Variants in GRIK1 observed in about 807,000 individuals in gnomAD.
GRIK1 encodes glutamate receptor ionotropic, kainate 1.
A neutral mutation model predicts 105.7 loss-of-function variants in GRIK1; 69 were observed. That is an observed-to-expected ratio of 0.65 (90% CI 0.54 to 0.80). The LOEUF is 0.80. Ranked by LOEUF, GRIK1 falls within the 30% of genes least tolerant of loss-of-function variation. The probability of loss-of-function intolerance (pLI) is 0.00; values close to 1 mark genes in which losing one functional copy is unlikely to be tolerated. For synonymous variants in GRIK1, 438 were observed against 431.3 expected, an observed-to-expected ratio of 1.02 and a Z score of -0.19; for missense variants, 1,109 against 1,167.3, an observed-to-expected ratio of 0.95 and a Z score of 0.73.
At chr21:29,727,394 A>T (rs903095151) in intron 1 of GRIK1, among the ~76,000 whole-genome samples, 14 of 152,332 alleles carry the variant, frequency 9.2e-5, no homozygotes, top group Middle Eastern at 6.8e-3. Flanking sequence ...AAAACTTGAT[A>T]TAATGGTACT....
chr21:29,904,071 C>T (rs897264209), intron 1 of GRIK1, among the ~76,000 whole-genome samples: 1 of 151,958 alleles, frequency 6.6e-6, no homozygotes, highest in Non-Finnish European at 1.5e-5. Context: ...GGGAGTTGAA[C>T]AATGAGAACA....
chr21:29,670,597 G>C (rs916008544), intron 4 of GRIK1, among the ~76,000 whole-genome samples: 4 of 152,160 alleles, frequency 2.6e-5, no homozygotes, highest in African/African-American at 9.7e-5. Flanking sequence ...AGTTATGTGA[G>C]ACAAATGAGT....
At chr21:29,574,665 T>C (rs1305115395) in intron 14 of GRIK1, among the ~76,000 whole-genome samples, 4 of 151,276 alleles carry the variant, frequency 2.6e-5, no homozygotes, top group African/African-American at 9.7e-5. Context: ...ACACATACAT[T>C]AAATAAATGA....
At chr21:29,713,293 C>T (rs960390877) in intron 1 of GRIK1, among the ~76,000 whole-genome samples, 1 of 152,084 alleles carries the variant, frequency 6.6e-6, no homozygotes, top group African/African-American at 2.4e-5. Context: ...TCTTAATATC[C>T]ATATAATACA....
Position 29,939,696 on chromosome 21 carries a change from G to T in GRIK1, c.-196C>A, listed in dbSNP as rs2071911189. 5.9e-6 allele frequency: 3 copies of T among 508,724 alleles called. No homozygotes were observed. In the East Asian group the frequency reaches 1.1e-4, roughly 18 times the overall value. The allele number at this position is 508,724 out of a possible 1,614,324, so 31.5% of individuals were successfully genotyped here. ...GGCTGGCAAGGCTGAGCTCTCTCGGGGCTCCTCAGTGCTGTCGCTAGCCCA... is the reference window on the plus strand; with the variant it reads ...GGCTGGCAAGGCTGAGCTCTCTCGGTGCTCCTCAGTGCTGTCGCTAGCCCA... On this transcript the variant is annotated 5_prime_UTR_variant, in exon 1 of 18. Transcript: ENST00000327783.
At chr21:29,661,025 A>AC (rs149530381) in intron 4 of GRIK1, among the ~76,000 whole-genome samples, 3,686 of 152,300 alleles carry the variant, frequency 0.024, 136 homozygotes, top group African/African-American at 0.084. Context: ...CTGCATCTAT[A>AC]CTATCCTCTG....
intron 7 of GRIK1, among the ~76,000 whole-genome samples, chr21:29,603,933 T>A (rs1266507814): frequency 6.6e-6 from 1 of 152,134 alleles, no homozygotes; most frequent in African/African-American, 2.4e-5. Context: ...CAGAAAGGTT[T>A]TTTCTAGAGG....
Position 29,643,571 on chromosome 21 carries a change from C to A in GRIK1, c.955-602G>T, listed in dbSNP as rs551561371. ...AGTGCAGCTTGCTCAGAACATGCCT[C>A]CTCTTGCCAGCATGTGCTTTCTTGA... On this transcript the variant is annotated intron_variant, in intron 6 of 17. Coordinates refer to ENST00000327783, the MANE Select transcript of GRIK1 (RefSeq NM_001330994.2). Among the ~76,000 whole-genome samples, 4 of 152,306 alleles carry A rather than the reference C, an allele frequency of 2.6e-5. No homozygotes were observed. The East Asian group carries it at 7.7e-4, about 29-fold the overall frequency.
intron 1 of GRIK1, among the ~76,000 whole-genome samples, chr21:29,730,252 AT>A (rs1378272060): frequency 3.9e-5 from 6 of 152,140 alleles, no homozygotes; most frequent in Admixed American, 3.3e-4. Context: ...TAATTATTGT[AT>A]TTTTTTAAAT....
chr21:29,848,779 A>ATTTTTTTTTTTTTTTTTT (rs1555898508), intron 1 of GRIK1, among the ~76,000 whole-genome samples: 1 of 77,884 alleles, frequency 1.3e-5, no homozygotes, highest in African/African-American at 5.8e-5. Flanking sequence ...ATATATATAT[A>ATTTTTTTTTTTTTTTTTT]TTTTTTTTTT....
At chr21:29,861,800 C>T in intron 1 of GRIK1, 1 of 301,464 alleles carries the variant, frequency 3.3e-6, no homozygotes, top group South Asian at 2.9e-5. Context: ...CCTTAAATAC[C>T]TAGAATAAGT....
At chr21:29,554,982 T>A (rs761278887) in intron 16 of GRIK1, 70 bp downstream of exon 16, 1 of 1,339,604 alleles carries the variant, frequency 7.5e-7, no homozygotes, top group African/African-American at 1.5e-5. Flanking sequence ...CAAACATCCT[T>A]AAAAACCCCC....
intron 1 of GRIK1, among the ~76,000 whole-genome samples, chr21:29,847,198 T>A (rs2146029427): frequency 6.6e-6 from 1 of 152,324 alleles, no homozygotes; most frequent in East Asian, 1.9e-4. Context: ...ATTGTCCTTT[T>A]CCTTCTTCTT....
intron 1 of GRIK1, among the ~76,000 whole-genome samples, chr21:29,716,554 G>A (rs1043588868): frequency 2.6e-5 from 4 of 152,072 alleles, no homozygotes; most frequent in East Asian, 1.9e-4. Context: ...GTGGAGATGC[G>A]GAACTTCTTG....
At chr21:29,575,438 T>C (rs1027287979) in intron 14 of GRIK1, among the ~76,000 whole-genome samples, 2 of 152,008 alleles carry the variant, frequency 1.3e-5, no homozygotes, top group African/African-American at 4.8e-5. Flanking sequence ...TTATACCTCC[T>C]AAATCTATAA....
chr21:29,857,207 T>C (rs2068489767), intron 1 of GRIK1, among the ~76,000 whole-genome samples: 2 of 152,208 alleles, frequency 1.3e-5, no homozygotes, highest in South Asian at 2.1e-4. Flanking sequence ...AAAGCTATCA[T>C]GGTAGCCCAG....
In GRIK1 at chr21:29,558,873, G is replaced by A. The variant is rs114724426; in HGVS notation, c.2356+2751C>T. The stretch of plus-strand genomic sequence containing the variant: ...TGTTCCCTCCTACCTCCAGCCCTGC[G>A]TCACTCACTGTACTATCAGAAATTT... On this transcript the variant is annotated intron_variant, in intron 15 of 17. Coordinates refer to ENST00000327783, the MANE Select transcript of GRIK1 (RefSeq NM_001330994.2). 8.5e-3 allele frequency among the ~76,000 whole-genome samples: 1,289 copies of A among 152,126 alleles called. 19 individuals carry two copies. The highest frequency in any genetic ancestry group is 0.029 in the African/African-American group (1,204 of 41,504).
intron 1 of GRIK1, among the ~76,000 whole-genome samples, chr21:29,783,962 G>T (rs1050887804): frequency 6.6e-6 from 1 of 152,076 alleles, no homozygotes; most frequent in Non-Finnish European, 1.5e-5. Context: ...ACGGAGTCTC[G>T]CTCTGTCGCC....
intron 1 of GRIK1, among the ~76,000 whole-genome samples, chr21:29,847,151 G>T (rs1027002032): frequency 3.3e-5 from 5 of 152,002 alleles, no homozygotes; most frequent in Admixed American, 3.3e-4. Context: ...CTTGCTAGAG[G>T]TATAATTCTT....
Sources: gnomAD v4.1 joint callset for allele counts (sites outside exome capture counted in the v4.1 genomes callset) on GRCh38, gnomAD v4.1.1 for gene constraint, MANE v1.5 for transcripts, NCBI Gene and HGNC (gene_info 2026-07-23, HGNC 2026-07-21) for gene names.